The following MRPL43 variants were observed in gnomAD, a reference collection of about 807,000 sequenced individuals.
The protein encoded by MRPL43 is large ribosomal subunit protein mL43.
Under a neutral mutation model 12.7 loss-of-function variants are expected in MRPL43, and 9 were observed. That is an observed-to-expected ratio of 0.71 (90% CI 0.43 to 1.24). The LOEUF is 1.24. Among genes scored for constraint, MRPL43 ranks in the 50% most tolerant of loss-of-function variants. MRPL43 has a pLI of 0.00. For missense variants in MRPL43, 211 were observed against 229.2 expected (o/e 0.92, Z 0.51); for synonymous variants, 116 against 96.4 (o/e 1.20, Z -1.19).
intron 1 of MRPL43, 22 bp from the exon 2 acceptor site, chr10:100,987,218 G>C: frequency 3.1e-6 from 5 of 1,613,604 alleles, no homozygotes. Context: ...GGGACAGTGA[G>C]CAGTATGACC....
At chr10:100,981,101 T>G, downstream of MRPL43, 1 of 1,609,532 alleles carries the variant, frequency 6.2e-7, no homozygotes, top group East Asian at 2.2e-5. Flanking sequence ...AACAGACCTA[T>G]CTACCCTTTC....
At position 100,986,489 on chromosome 10, in the gene MRPL43, G is replaced by A. The variant is rs1279991558; in HGVS notation, c.*245C>T. On this transcript the variant is annotated 3_prime_UTR_variant, in exon 3 of 3. Transcript: ENST00000318364. ...AAAACAAGGGCCCTGTAAAACCCTT[G>A]AAGTCTTCCTCATCTCAGGTTTTAG... 5.8e-6 allele frequency: 9 copies of A among 1,549,194 alleles called. No individual in the cohort carries two copies. Among genetic ancestry groups the A allele is most frequent in the Non-Finnish European group, 7.8e-6 (9 of 1,146,656 alleles).
downstream of MRPL43, chr10:100,983,201 G>A (rs1239353108): frequency 3.8e-6 from 5 of 1,323,464 alleles, no homozygotes; most frequent in East Asian, 1.3e-4. Context: ...GTGATTCTGG[G>A]TTCTGTGCTT....
chr10:100,982,897 G>A (rs909576963), downstream of MRPL43, among the ~76,000 whole-genome samples: 2 of 152,236 alleles, frequency 1.3e-5, no homozygotes, highest in African/African-American at 2.4e-5. Flanking sequence ...CAGTGGTGGC[G>A]ATTCAAGGAA....
chr10:100,981,376 T>A, downstream of MRPL43: 1 of 1,610,564 alleles, frequency 6.2e-7, no homozygotes, highest in Non-Finnish European at 8.5e-7. Flanking sequence ...TGGCACAGAG[T>A]AAGTGCTCAA....
At chr10:100,982,256 G>C (rs1459551654), downstream of MRPL43, among the ~76,000 whole-genome samples, 1 of 152,020 alleles carries the variant, frequency 6.6e-6, no homozygotes, top group African/African-American at 2.4e-5. Flanking sequence ...TGAGTGACAG[G>C]AGAATAGGCT....
chr10:100,982,950 G>A (rs895282312), downstream of MRPL43, among the ~76,000 whole-genome samples: 2 of 152,236 alleles, frequency 1.3e-5, no homozygotes, highest in African/African-American at 4.8e-5. Flanking sequence ...GTTTTGAGGT[G>A]TCCAAGAGAC....
downstream of MRPL43, chr10:100,983,912 ACCCCCACCG>A (rs773176617): frequency 1.9e-3 from 359 of 189,050 alleles, no homozygotes; most frequent in African/African-American, 0.022. Flanking sequence ...CAGCCCCACC[ACCCCCACCG>A]CCCCCACCGC....
downstream of MRPL43, chr10:100,979,454 C>T: frequency 6.8e-7 from 1 of 1,461,232 alleles, no homozygotes; most frequent in South Asian, 1.4e-5. Flanking sequence ...GCGATCTCGG[C>T]TCACTGCAAT....
downstream of MRPL43, chr10:100,980,483 C>A: frequency 7.4e-7 from 1 of 1,353,494 alleles, no homozygotes; most frequent in Non-Finnish European, 1.1e-6. Flanking sequence ...TGTTCTGGAC[C>A]TCAGGACTCC....
At chr10:100,985,159 C>G (rs1851376270), downstream of MRPL43, 1 of 402,576 alleles carries the variant, frequency 2.5e-6, no homozygotes, top group East Asian at 3.7e-5. Context: ...TTTGCTTCCT[C>G]TAGACTACAG....
At chr10:100,984,560 T>C (rs1370845164), downstream of MRPL43, 2 of 1,536,194 alleles carry the variant, frequency 1.3e-6, no homozygotes, top group African/African-American at 1.4e-5. Context: ...TGGATGGTCC[T>C]GAAACCAGAC....
At chr10:100,978,842 C>G, downstream of MRPL43, 1 of 1,612,512 alleles carries the variant, frequency 6.2e-7, no homozygotes, top group Non-Finnish European at 8.5e-7. Context: ...AACTGCCTGA[C>G]CCACAGATGC....
downstream of MRPL43, chr10:100,985,035 G>T: frequency 1.1e-6 from 1 of 940,172 alleles, no homozygotes; most frequent in Non-Finnish European, 1.5e-6. Flanking sequence ...TTAGTCCGTG[G>T]ACATTTCAGA....
At chr10:100,982,376 T>A (rs888241997), downstream of MRPL43, among the ~76,000 whole-genome samples, 1 of 152,204 alleles carries the variant, frequency 6.6e-6, no homozygotes, top group Non-Finnish European at 1.5e-5. Flanking sequence ...TTTGTGTTTT[T>A]AAAATACCTC....
chr10:100,986,847 T>G lies in MRPL43; in HGVS notation c.367A>C (p.Asn123His). The G allele has an allele frequency of 6.2e-7, 1 of 1,613,906 alleles. No homozygotes were observed. The highest frequency in any genetic ancestry group is 8.5e-7 in the Non-Finnish European group (1 of 1,180,038). ...TGCCACTGGCCCTGGATGCTAGGGT[T>G]GTCGGTGTGGAAGGGCTTGCGGATG... The part of the protein sequence containing the change: ...IRIRKPFHTD[N>H]PSIQGQWHPF... Residue 123 changes from asparagine to histidine, a missense_variant, in exon 3 of 3, where the codon AAC becomes CAC. Physicochemically the swap from Asn to His is moderately conservative, Grantham distance 68. Transcript: ENST00000318364.
At chr10:100,978,908 G>T (rs758650850), downstream of MRPL43, 2 of 1,614,232 alleles carry the variant, frequency 1.2e-6, no homozygotes, top group Non-Finnish European at 1.7e-6. Flanking sequence ...AGTGGGTGAT[G>T]ATGACAAGGT....
At chr10:100,984,585 C>A, downstream of MRPL43, 6 of 1,536,202 alleles carry the variant, frequency 3.9e-6, no homozygotes, top group Non-Finnish European at 5.2e-6. Flanking sequence ...CCTCTGCCAG[C>A]CACCTAAGCC....
downstream of MRPL43, chr10:100,983,428 A>G: frequency 6.2e-7 from 1 of 1,613,646 alleles, no homozygotes; most frequent in African/African-American, 1.3e-5. Flanking sequence ...GGCCTGAGCG[A>G]TGGGCAGGGT....
Sources: allele counts gnomAD v4.1 joint callset (sites outside exome capture counted in the v4.1 genomes callset), GRCh38; gene constraint gnomAD v4.1.1; transcripts MANE v1.5; gene names NCBI Gene and HGNC (gene_info 2026-07-23, HGNC 2026-07-21).